The following MRTFB variants were observed in gnomAD, a reference collection of about 807,000 sequenced individuals.
The protein encoded by MRTFB is myocardin related transcription factor B.
Under a neutral mutation model 104.2 loss-of-function variants are expected in MRTFB, and 29 were observed. That is an observed-to-expected ratio of 0.28 (90% CI 0.21 to 0.38). The LOEUF is 0.38. Ranked by LOEUF, MRTFB falls within the 10% of genes least tolerant of loss-of-function variation. The pLI is 1.00. For missense variants in MRTFB, 1,270 were observed against 1,341.6 expected (o/e 0.95, Z 0.83); for synonymous variants, 535 against 519.5 (o/e 1.03, Z -0.41).
chr16:14,035,302 A>G, the MRTFB span, among the ~76,000 whole-genome samples: 675 of 152,324 alleles, frequency 4.4e-3, 6 homozygotes, highest in African/African-American at 0.016. Flanking sequence ...AGGAGGTGGC[A>G]GGTCACCAGG....
the MRTFB span, among the ~76,000 whole-genome samples, chr16:14,031,984 T>G: frequency 6.6e-6 from 1 of 152,174 alleles, no homozygotes; most frequent in Non-Finnish European, 1.5e-5. Context: ...ATTTTTATAT[T>G]TTTAGTAGAG....
intron 2 of MRTFB, among the ~76,000 whole-genome samples, chr16:14,089,398 A>G (rs981811947): frequency 1.3e-5 from 2 of 152,246 alleles, no homozygotes; most frequent in Non-Finnish European, 2.9e-5. Flanking sequence ...AAATGGAATC[A>G]TAAAAATATG....
intron 3 of MRTFB, among the ~76,000 whole-genome samples, chr16:14,164,126 T>C (rs72785412): frequency 0.058 from 8,844 of 152,276 alleles, 503 homozygotes; most frequent in East Asian, 0.29. Context: ...CACCCTATTC[T>C]GCTGTTGAAC....
chr16:14,218,990 C>A lies in MRTFB; in HGVS notation c.685C>A (p.Pro229Thr). Residue 229 changes from proline (P) to threonine (T), a missense_variant, in exon 8 of 17, where the codon CCA (proline) becomes ACA (threonine). Around this residue, in one of 3 missense-constraint regions of MRTFB, gnomAD observed 1,144 missense variants for 1,131.5 expected, o/e 1.01. Transcript: ENST00000571589. ...GCCATCTCCTGTGACTACAAACACT[C>A]CAGCGCAGGTATTATCTTTCTGGTT... is the stretch of plus-strand genomic sequence containing the variant. ...ESPSPVTTNTPAQFASVSPTV... is the reference protein window; with the variant it reads ...ESPSPVTTNTTAQFASVSPTV... The A allele has an allele frequency of 6.2e-7, 1 of 1,610,780 alleles. No homozygotes were observed. Among genetic ancestry groups the A allele is most frequent in the Non-Finnish European group, 8.5e-7 (1 of 1,178,308 alleles).
chr16:14,000,745 C>A, the MRTFB span, among the ~76,000 whole-genome samples: 1 of 152,170 alleles, frequency 6.6e-6, no homozygotes, highest in African/African-American at 2.4e-5. Flanking sequence ...ACCTCTCTGT[C>A]CCCTTTGTCC....
intron 16 of MRTFB, among the ~76,000 whole-genome samples, chr16:14,258,872 T>C (rs2043631766): frequency 6.6e-6 from 1 of 152,208 alleles, no homozygotes; most frequent in Non-Finnish European, 1.5e-5. Flanking sequence ...ATCAAGGATA[T>C]TGTTGCCTCA....
At chr16:14,020,137 C>G in the MRTFB span, among the ~76,000 whole-genome samples, 1 of 152,086 alleles carries the variant, frequency 6.6e-6, no homozygotes, top group African/African-American at 2.4e-5. Context: ...CTGGGTACCC[C>G]CTCCACTGTC....
intron 1 of MRTFB, among the ~76,000 whole-genome samples, 174 bp from the exon 2 acceptor site, chr16:14,079,116 A>G (rs1317726299): frequency 2.0e-5 from 3 of 152,192 alleles, no homozygotes; most frequent in Non-Finnish European, 4.4e-5. Context: ...CAATTTAGGA[A>G]AAGTTTTAGT....
chr16:14,217,378 CGTGA>C (rs768292029), intron 7 of MRTFB, 91 bp downstream of exon 7: 41 of 1,074,992 alleles, frequency 3.8e-5, no homozygotes, highest in East Asian at 3.7e-4. Flanking sequence ...TAGCACCGAT[CGTGA>C]GTATTGTTTT....
At chr16:14,094,110 C>G (rs56979470) in intron 2 of MRTFB, among the ~76,000 whole-genome samples, 4 of 152,000 alleles carry the variant, frequency 2.6e-5, no homozygotes, top group Non-Finnish European at 5.9e-5. Flanking sequence ...CATGTGGCAC[C>G]GATGAAAGAA....
At chr16:14,222,884 A>G (rs1018627726) in intron 8 of MRTFB, among the ~76,000 whole-genome samples, 2 of 152,130 alleles carry the variant, frequency 1.3e-5, no homozygotes, top group Non-Finnish European at 2.9e-5. Context: ...AATTTTCAAC[A>G]AAAGATACAA....
In MRTFB at chr16:14,248,945, T is replaced by C. The variant is rs1330130215; in HGVS notation, c.2267T>C (p.Met756Thr). ...LKLQTSPQAG[M>T]QTQPQIATAA... ...TCCTAGACTTCACCACAAGCAGGAA[T>C]GCAGACTCAGCCTCAGATAGCAACT... Residue 756 changes from methionine (M) to threonine (T), a missense_variant, in exon 13 of 17, where the codon ATG becomes ACG. Around this residue, in one of 3 missense-constraint regions of MRTFB, gnomAD observed 1,144 missense variants for 1,131.5 expected, o/e 1.01. Coordinates refer to ENST00000571589, the MANE Select transcript of MRTFB (RefSeq NM_001308142.2). 6.2e-7 allele frequency: 1 copy of C among 1,614,128 alleles called. No individual in the cohort carries two copies. Among genetic ancestry groups the C allele is most frequent in the South Asian group, 1.1e-5 (1 of 91,058 alleles).
the MRTFB span, among the ~76,000 whole-genome samples, chr16:14,053,283 A>G: frequency 5.3e-5 from 8 of 152,168 alleles, no homozygotes; most frequent in African/African-American, 1.9e-4. Context: ...ATCCATTTAT[A>G]TCATGTATAT....
chr16:14,244,815 T>A (rs771955767), intron 10 of MRTFB, among the ~76,000 whole-genome samples: 16 of 152,226 alleles, frequency 1.1e-4, no homozygotes, highest in Non-Finnish European at 1.9e-4. Context: ...GTCAGAAATA[T>A]GTATTACAGA....
intron 2 of MRTFB, among the ~76,000 whole-genome samples, chr16:14,136,923 C>T (rs1439140963): frequency 5.3e-5 from 8 of 152,050 alleles, no homozygotes; most frequent in Non-Finnish European, 8.8e-5. Context: ...ACTGCAGTTA[C>T]GTTATTGGGA....
intron 3 of MRTFB, among the ~76,000 whole-genome samples, chr16:14,187,762 G>A (rs910623155): frequency 3.3e-5 from 5 of 152,228 alleles, no homozygotes; most frequent in African/African-American, 9.6e-5. Context: ...CCTTCCTGTA[G>A]CCAGTGTTTA....
At chr16:14,008,938 T>TTTTATTTATTTATTTA in the MRTFB span, among the ~76,000 whole-genome samples, 1,514 of 148,630 alleles carry the variant, frequency 0.01, 34 homozygotes, top group African/African-American at 0.026. Context: ...TTTTTTAAAA[T>TTTTATTTATTTATTTA]TTTATGTATT....
intron 3 of MRTFB, chr16:14,187,053 CA>C (rs1036472109): frequency 1.9e-6 from 3 of 1,585,442 alleles, no homozygotes; most frequent in Non-Finnish European, 2.6e-6. Context: ...TGTCTGTGGA[CA>C]GGGGCAAAAC....
rs1245778400 is a variant in MRTFB, at chr16:14,266,182, C to T, written c.*4738C>T. ...AAAATCAGCCCCAAAAAGGTATTAT[C>T]CATTTAAGGTTATAATTTTCACTAA... On this transcript the variant is annotated 3_prime_UTR_variant, in exon 17 of 17. Transcript: ENST00000571589. 1 of 152,076 alleles carries T rather than the reference C, an allele frequency of 6.6e-6. No homozygotes were observed. The highest frequency in any genetic ancestry group is 1.5e-5 in the Non-Finnish European group (1 of 68,020). The allele number at this position is 152,076 out of a possible 1,614,324, so 9.4% of individuals were successfully genotyped here.
Sources: allele counts gnomAD v4.1 joint callset (sites outside exome capture counted in the v4.1 genomes callset), GRCh38; gene constraint gnomAD v4.1.1; regional missense constraint gnomAD v4.1.1; transcripts MANE v1.5; gene names NCBI Gene and HGNC (gene_info 2026-07-23, HGNC 2026-07-21).